The following DAPK1 variants were observed in gnomAD, a reference collection of about 807,000 sequenced individuals.
DAPK1 encodes the protein death associated protein kinase 1, also known as death-associated protein kinase 1.
In DAPK1, 56 loss-of-function variants were observed where a neutral mutation model predicts 144.9. The observed-to-expected ratio is 0.39, with a 90% confidence interval of 0.31 to 0.48. The LOEUF is 0.48. DAPK1 is among the 20% of genes least tolerant of loss of function. DAPK1 has a pLI of 0.95. For synonymous variants in DAPK1, 690 were observed against 749.0 expected, an observed-to-expected ratio of 0.92 and a Z score of 1.29; for missense variants, 1,454 against 1,875.4, an observed-to-expected ratio of 0.78 and a Z score of 4.15.
chr9:87,508,346 ATT>A (rs200413597), intron 2 of DAPK1, among the ~76,000 whole-genome samples: 1 of 140,500 alleles, frequency 7.1e-6, no homozygotes, highest in Non-Finnish European at 1.5e-5. Flanking sequence ...GATTGTCAGG[ATT>A]TTTTTTTTTT....
At chr9:87,529,740 A>C (rs1326663047) in intron 2 of DAPK1, among the ~76,000 whole-genome samples, 2 of 152,202 alleles carry the variant, frequency 1.3e-5, no homozygotes, top group African/African-American at 4.8e-5. Context: ...GGCTGCCTGG[A>C]GCAAAGAAGC....
In DAPK1 at chr9:87,510,455, C is replaced by T. The variant is rs926205411; in HGVS notation, c.62+11316C>T. ...ACATGCGAAATGGCCCAGCCGGTTTCTCCTGGCAACCTCTCCAGAGCATGT... is the reference window on the plus strand; with the variant it reads ...ACATGCGAAATGGCCCAGCCGGTTTTTCCTGGCAACCTCTCCAGAGCATGT... On this transcript the variant is annotated intron_variant, in intron 2 of 25. Coordinates refer to ENST00000408954, the MANE Select transcript of DAPK1 (RefSeq NM_004938.4). Among the ~76,000 whole-genome samples the T allele has an allele frequency of 1.1e-4, 17 of 152,328 alleles. 1 individual carries two copies. The Middle Eastern group carries it at 0.01, about 91-fold the overall frequency.
intron 3 of DAPK1, among the ~76,000 whole-genome samples, chr9:87,609,509 A>G (rs1406170410): frequency 6.6e-6 from 1 of 151,878 alleles, no homozygotes; most frequent in East Asian, 1.9e-4. Flanking sequence ...TTTTTGCTAT[A>G]CTTGTTTTGG....
At chr9:87,511,690 G>GTGTGTGTGTGTGTGTC (rs1824849994) in intron 2 of DAPK1, among the ~76,000 whole-genome samples, 1 of 144,552 alleles carries the variant, frequency 6.9e-6, no homozygotes, top group Non-Finnish European at 1.5e-5. Flanking sequence ...GTGTGTGTGT[G>GTGTGTGTGTGTGTGTC]TGTGTGTGTG....
intron 2 of DAPK1, among the ~76,000 whole-genome samples, chr9:87,523,460 C>T (rs559683737): frequency 6.6e-6 from 1 of 152,076 alleles, no homozygotes; most frequent in Admixed American, 6.5e-5. Flanking sequence ...CAACACCCAA[C>T]TGATTTTTTA....
chr9:87,641,919 A>C lies in DAPK1; in HGVS notation c.829-50A>C, dbSNP rs369204279. ...GTTTCAAAAAATTGTCATATAACAC[A>C]TTTTCATAATTTGAGAGCTTTAATT... is the stretch of plus-strand genomic sequence containing the variant. On this transcript the variant is annotated intron_variant, in intron 9 of 25. Transcript: ENST00000408954. 276 of 1,481,584 alleles carry C rather than the reference A, an allele frequency of 1.9e-4. 1 individual carries two copies. Among genetic ancestry groups the C allele is most frequent in the Non-Finnish European group, 2.5e-4 (269 of 1,069,354 alleles). The allele number at this position is 1,481,584 out of a possible 1,614,324, so 91.8% of individuals were successfully genotyped here.
intron 19 of DAPK1, among the ~76,000 whole-genome samples, chr9:87,671,792 G>A (rs1182304275): frequency 6.6e-6 from 1 of 152,240 alleles, no homozygotes; most frequent in East Asian, 1.9e-4. Context: ...GGGATTACAG[G>A]CGTGAGCCAC....
At chr9:87,650,234 A>C in intron 16 of DAPK1, 116 bp downstream of exon 16, 2 of 942,000 alleles carry the variant, frequency 2.1e-6, no homozygotes, top group Non-Finnish European at 3.3e-6. Flanking sequence ...GCAAACTGTA[A>C]TTACCCCGTC....
At chr9:87,614,570 T>TCTCA (rs1587771131) in intron 3 of DAPK1, among the ~76,000 whole-genome samples, 1 of 152,180 alleles carries the variant, frequency 6.6e-6, no homozygotes, top group East Asian at 1.9e-4. Context: ...CTCTCCCTGA[T>TCTCA]CTCATATCTT....
At chr9:87,613,870 T>C (rs1829009706) in intron 3 of DAPK1, among the ~76,000 whole-genome samples, 2 of 152,226 alleles carry the variant, frequency 1.3e-5, no homozygotes, top group Admixed American at 1.3e-4. Context: ...GTTCTCTCTT[T>C]TCTGAGCTCG....
Position 87,707,616 on chromosome 9 carries a change from G to T in DAPK1, c.*252G>T. 1.8e-6 allele frequency: 1 copy of T among 543,630 alleles called. No homozygotes were observed. The highest frequency in any genetic ancestry group is 3.2e-5 in the East Asian group (1 of 31,012). The allele number at this position is 543,630 out of a possible 1,614,324, so 33.7% of individuals were successfully genotyped here. On this transcript the variant is annotated 3_prime_UTR_variant, in exon 26 of 26. Transcript: ENST00000408954. This position sits in a 1 kb window ranked among gnomAD's most constrained non-coding sequence, Gnocchi z 4.0. ...TACTTTGGCCGCTTGAAAAGCTAGT[G>T]TACCTCCTCTCAGTGTTTTGGACTC... is the stretch of plus-strand genomic sequence containing the variant.
intron 21 of DAPK1, among the ~76,000 whole-genome samples, chr9:87,689,495 G>T (rs1405890598): frequency 1.3e-5 from 2 of 151,938 alleles, no homozygotes; most frequent in African/African-American, 4.8e-5. Flanking sequence ...TGTTTCCTTT[G>T]CTGTGCAAAA....
intron 19 of DAPK1, among the ~76,000 whole-genome samples, chr9:87,680,559 C>G (rs141270755): frequency 3.3e-5 from 5 of 152,234 alleles, no homozygotes; most frequent in African/African-American, 1.2e-4. Context: ...GTTCCTATTC[C>G]AGACCTACAG....
intron 3 of DAPK1, chr9:87,633,339 A>G (rs901379034): frequency 1.1e-5 from 11 of 985,058 alleles, no homozygotes; most frequent in Non-Finnish European, 1.3e-5. Flanking sequence ...AAGGAAGATG[A>G]GTATATGTGC....
chr9:87,569,726 C>G (rs11141894), intron 2 of DAPK1, among the ~76,000 whole-genome samples: 1 of 151,748 alleles, frequency 6.6e-6, no homozygotes, highest in Non-Finnish European at 1.5e-5. Context: ...GCTTTCCCTA[C>G]GAGAGGTCTT....
At chr9:87,570,165 G>A (rs1246935144) in intron 2 of DAPK1, among the ~76,000 whole-genome samples, 2 of 152,020 alleles carry the variant, frequency 1.3e-5, no homozygotes, top group Non-Finnish European at 2.9e-5. Context: ...GAAAAAGAAG[G>A]CACAAACACT....
intron 2 of DAPK1, among the ~76,000 whole-genome samples, chr9:87,511,370 C>T (rs11141857): frequency 1.3e-5 from 2 of 152,034 alleles, no homozygotes; most frequent in Non-Finnish European, 2.9e-5. Context: ...GGCTGCTGAA[C>T]GCAGAGCTTC....
At chr9:87,603,717 G>A (rs1490501119) in intron 2 of DAPK1, among the ~76,000 whole-genome samples, 3 of 152,042 alleles carry the variant, frequency 2.0e-5, no homozygotes, top group East Asian at 3.8e-4. Flanking sequence ...TGGGTGAATC[G>A]ACCCTTCCTT....
In DAPK1 at chr9:87,556,084, G is replaced by GT. The variant is rs201204915; in HGVS notation, c.63-48863dup. The stretch of plus-strand genomic sequence containing the variant: ...TACTGCCCGGGGCATATGAAGAACT[G>GT]TTTTTTTGTATTCTAATCTCCGTCA... On this transcript the variant is annotated intron_variant, in intron 2 of 25. Transcript: ENST00000408954. Among the ~76,000 whole-genome samples, 541 of 152,214 alleles carry GT rather than the reference G, an allele frequency of 3.6e-3. 6 individuals are homozygous for GT. Among genetic ancestry groups the GT allele is most frequent in the African/African-American group, 0.012 (503 of 41,528 alleles).
Sources: allele counts gnomAD v4.1 joint callset (sites outside exome capture counted in the v4.1 genomes callset), GRCh38; gene constraint gnomAD v4.1.1; non-coding constraint Gnocchi (gnomAD v3.1); transcripts MANE v1.5; gene names NCBI Gene and HGNC (gene_info 2026-07-23, HGNC 2026-07-21).